The following CCR6 variants were observed in gnomAD, a reference collection of about 807,000 sequenced individuals.
CCR6 encodes the protein C-C chemokine receptor type 6.
A neutral mutation model predicts 3.0 loss-of-function variants in CCR6; 2 were observed. That is an observed-to-expected ratio of 0.66 (90% CI 0.27 to 2.07). CCR6 has a LOEUF of 2.07. Among genes scored for constraint, CCR6 ranks in the 30% most tolerant of loss-of-function variants. The pLI is 0.14. For synonymous variants in CCR6, 193 were observed against 184.3 expected, an observed-to-expected ratio of 1.05 and a Z score of -0.38; for missense variants, 322 against 462.8, an observed-to-expected ratio of 0.70 and a Z score of 2.79.
rs931990234 is a variant in CCR6, at chr6:167,125,774, T to G, written c.-98+2551T>G. 7.8e-4 allele frequency among the ~76,000 whole-genome samples: 119 copies of G among 152,234 alleles called. 9 individuals carry two copies. The highest frequency in any genetic ancestry group is 2.9e-5 in the Non-Finnish European group (2 of 68,040). On this transcript the variant is annotated intron_variant, in intron 1 of 2. Coordinates refer to ENST00000341935, the MANE Select transcript of CCR6 (RefSeq NM_031409.4). The stretch of plus-strand genomic sequence containing the variant: ...AATTAGCCAATTAATTATTACTTTC[T>G]GAGATACTCTATTGCATATTGTACC...
intron 1 of CCR6, chr6:167,134,987 G>C (rs757678502): frequency 6.6e-6 from 1 of 152,238 alleles, no homozygotes; most frequent in Non-Finnish European, 1.5e-5. Context: ...CTCCACAACC[G>C]CTCCAGCTCT....
chr6:167,136,525 C>T lies in CCR6; in HGVS notation c.295C>T (p.Leu99Phe), dbSNP rs2114939694. The T allele has an allele frequency of 6.3e-7, 1 of 1,591,508 alleles. No homozygotes were observed. The highest frequency in any genetic ancestry group is 1.3e-5 in the African/African-American group (1 of 74,628). The change falls in exon 3 of 3, where the codon CTC (leucine) becomes TTC (phenylalanine). Residue 99 changes from leucine to phenylalanine, a missense_variant. By Grantham distance (22) the Leu-to-Phe change is conservative. Coordinates refer to ENST00000341935, the MANE Select transcript of CCR6 (RefSeq NM_031409.4). This position sits in a 1 kb window ranked among gnomAD's most constrained non-coding sequence, Gnocchi z 4.6. ...AIADILFVLTLPFWAVSHATG... is the reference protein window; with the variant it reads ...AIADILFVLTFPFWAVSHATG... ...TGCAGACATCCTCTTTGTTCTTACT[C>T]TCCCATTCTGGGCAGTGAGTCATGC...
intron 1 of CCR6, among the ~76,000 whole-genome samples, chr6:167,133,926 A>G (rs867706855): frequency 0.015 from 979 of 66,470 alleles, 32 homozygotes; most frequent in African/African-American, 0.045. Flanking sequence ...TATATGATAT[A>G]TGTGTGTATA....
chr6:167,118,357 C>T (rs765467340), upstream of CCR6, among the ~76,000 whole-genome samples: 40 of 152,196 alleles, frequency 2.6e-4, 1 homozygote, highest in Non-Finnish European at 5.1e-4. Flanking sequence ...AAGTGACTTT[C>T]GATTCTTGAC....
At chr6:167,123,384 T>G (rs1781617699) in intron 1 of CCR6, among the ~76,000 whole-genome samples, 161 bp downstream of exon 1, 1 of 152,204 alleles carries the variant, frequency 6.6e-6, no homozygotes, top group African/African-American at 2.4e-5. Flanking sequence ...CCTGAAAGCA[T>G]TGACTTTATG....
chr6:167,130,739 C>T (rs919149898), intron 1 of CCR6, among the ~76,000 whole-genome samples: 3 of 151,854 alleles, frequency 2.0e-5, no homozygotes, highest in Non-Finnish European at 4.4e-5. Flanking sequence ...TGCAAAACAC[C>T]ATCCTAAGAG....
intron 1 of CCR6, chr6:167,131,582 C>T (rs1361151693): frequency 6.5e-6 from 1 of 153,720 alleles, no homozygotes; most frequent in Non-Finnish European, 1.4e-5. Flanking sequence ...CTCCCTTGTT[C>T]TCCAGAGCCG....
At chr6:167,117,415 C>T (rs201241665) in intron 1 of CCR6, among the ~76,000 whole-genome samples, 926 of 109,758 alleles carry the variant, frequency 8.4e-3, no homozygotes, top group East Asian at 0.025. Context: ...TTTTTTTTTT[C>T]TTTTTTTTTT....
rs1781486899 is a variant in CCR6, at chr6:167,116,014, A to G, written c.-98+4000A>G. 4 of 152,368 alleles carry G rather than the reference A, an allele frequency of 2.6e-5. No individual in the cohort carries two copies. The South Asian group carries it at 6.2e-4, about 24-fold the overall frequency. The allele number at this position is 152,368 out of a possible 1,614,324, so 9.4% of individuals were successfully genotyped here. ...AAGCTCCCCATTTTCCTCCTAGTTC[A>G]AAGATCCGCAGGCGTTATAAAGCGA... On this transcript the variant is annotated intron_variant, in intron 1 of 2. Coordinates refer to the CCR6 transcript ENST00000400926.
chr6:167,125,120 A>G (rs1781651497), intron 1 of CCR6, among the ~76,000 whole-genome samples: 1 of 152,026 alleles, frequency 6.6e-6, no homozygotes, highest in Admixed American at 6.5e-5. Flanking sequence ...CGACATATGC[A>G]CACACACACA....
intron 1 of CCR6, chr6:167,115,438 A>G (rs1781478640): frequency 6.6e-6 from 1 of 152,246 alleles, no homozygotes; most frequent in African/African-American, 2.4e-5. Context: ...TATTTCATTC[A>G]TCATAAAAAT....
intron 1 of CCR6, chr6:167,131,663 C>A: frequency 6.5e-6 from 1 of 153,496 alleles, no homozygotes; most frequent in Non-Finnish European, 1.5e-5. Context: ...CCACTCCTTC[C>A]CACCGTCCCC....
intron 1 of CCR6, among the ~76,000 whole-genome samples, chr6:167,131,042 T>C (rs1354125761): frequency 1.2e-3 from 136 of 113,322 alleles, no homozygotes; most frequent in Middle Eastern, 4.9e-3. Flanking sequence ...CTGGACCCCT[T>C]CTCTCTGGGC....
intron 1 of CCR6, among the ~76,000 whole-genome samples, chr6:167,117,586 T>G (rs1781520308): frequency 6.6e-6 from 1 of 151,472 alleles, no homozygotes; most frequent in Non-Finnish European, 1.5e-5. Context: ...CCGGCTAATT[T>G]TTGTATTTTT....
At chr6:167,135,939 AC>A in intron 1 of CCR6, 98 bp from the exon 2 acceptor site, 1 of 624,726 alleles carries the variant, frequency 1.6e-6, no homozygotes, top group Non-Finnish European at 2.9e-6. Flanking sequence ...TGTGCTGTGC[AC>A]TCTGTTCACA....
At chr6:167,124,833 A>G (rs1426964141) in intron 1 of CCR6, among the ~76,000 whole-genome samples, 2 of 151,644 alleles carry the variant, frequency 1.3e-5, no homozygotes, top group East Asian at 3.9e-4. Context: ...GTGCATATAT[A>G]CATACACACA....
At chr6:167,130,484 A>G (rs1040264611) in intron 1 of CCR6, among the ~76,000 whole-genome samples, 1 of 151,896 alleles carries the variant, frequency 6.6e-6, no homozygotes, top group African/African-American at 2.4e-5. Context: ...AGTTGTGAAC[A>G]GGATTCTTTA....
intron 1 of CCR6, among the ~76,000 whole-genome samples, chr6:167,124,441 G>T (rs41451644): frequency 0.07 from 10,576 of 152,096 alleles, 634 homozygotes; most frequent in African/African-American, 0.15. Context: ...AATATGGTGG[G>T]CCCATGATTC....
intron 1 of CCR6, among the ~76,000 whole-genome samples, chr6:167,126,864 G>C (rs1227686203): frequency 6.6e-6 from 1 of 152,146 alleles, no homozygotes; most frequent in East Asian, 1.9e-4. Flanking sequence ...TCTTCGCTGG[G>C]CACTCATTCT....
Sources: gnomAD v4.1 joint callset for allele counts (sites outside exome capture counted in the v4.1 genomes callset) on GRCh38, gnomAD v4.1.1 for gene constraint, Gnocchi (gnomAD v3.1) non-coding constraint, MANE v1.5 for transcripts, NCBI Gene and HGNC (gene_info 2026-07-23, HGNC 2026-07-21) for gene names.